LNP1: variants seen among roughly 807,000 people sequenced by gnomAD.
The protein encoded by LNP1 is leukemia NUP98 fusion partner 1.
LNP1 carries 12 observed loss-of-function variants against 14.5 expected under a neutral mutation model. That is an observed-to-expected ratio of 0.83 (90% CI 0.53 to 1.34). The LOEUF is 1.34. LNP1 is among the 40% of genes most tolerant of loss of function. LNP1 has a pLI of 0.00. For synonymous variants in LNP1, 75 were observed against 71.4 expected (o/e 1.05, Z -0.26); for missense variants, 198 against 210.9 (o/e 0.94, Z 0.38).
chr3:100,430,295 C>T (rs927423669), intron 2 of LNP1, among the ~76,000 whole-genome samples: 1 of 152,192 alleles, frequency 6.6e-6, no homozygotes, highest in Non-Finnish European at 1.5e-5. Context: ...TTCTAAGGAA[C>T]TGGGGATCCC....
At chr3:100,409,996 TATC>T (rs1707013998) in intron 1 of LNP1, among the ~76,000 whole-genome samples, 1 of 152,050 alleles carries the variant, frequency 6.6e-6, no homozygotes, top group Non-Finnish European at 1.5e-5. Flanking sequence ...TCTATCTATC[TATC>T]TACCTATTTT....
intron 2 of LNP1, among the ~76,000 whole-genome samples, chr3:100,438,005 C>T (rs1186601767): frequency 1.3e-5 from 2 of 152,136 alleles, no homozygotes; most frequent in African/African-American, 4.8e-5. Context: ...AGAATCACTC[C>T]CTTGTTGACT....
At chr3:100,419,610 C>T (rs992247923) in intron 1 of LNP1, among the ~76,000 whole-genome samples, 1 of 152,246 alleles carries the variant, frequency 6.6e-6, no homozygotes. Flanking sequence ...CTTCCTCAAA[C>T]TAAACTCTGA....
At chr3:100,424,737 A>G (rs1427884287) in intron 1 of LNP1, among the ~76,000 whole-genome samples, 2 of 152,228 alleles carry the variant, frequency 1.3e-5, no homozygotes, top group African/African-American at 2.4e-5. Context: ...CTAAGGGCTA[A>G]CCTTGCAAGC....
At chr3:100,415,488 G>C (rs76305878) in intron 1 of LNP1, among the ~76,000 whole-genome samples, 2 of 152,196 alleles carry the variant, frequency 1.3e-5, no homozygotes, top group African/African-American at 4.8e-5. Context: ...AGCAGTACCA[G>C]TGAGGCAAGG....
At chr3:100,446,861 C>A (rs2148907403) in intron 2 of LNP1, among the ~76,000 whole-genome samples, 1 of 152,310 alleles carries the variant, frequency 6.6e-6, no homozygotes, top group African/African-American at 2.4e-5. Context: ...TGCTCATCAT[C>A]ACTGGTCATC....
intron 2 of LNP1, among the ~76,000 whole-genome samples, chr3:100,433,962 T>C (rs9653957): frequency 0.046 from 7,029 of 152,282 alleles, 506 homozygotes; most frequent in East Asian, 0.31. Context: ...ATTCTGGATA[T>C]TAGACTTTTG....
chr3:100,439,590 G>A (rs1707326242), intron 2 of LNP1, among the ~76,000 whole-genome samples: 1 of 152,020 alleles, frequency 6.6e-6, no homozygotes, highest in African/African-American at 2.4e-5. Context: ...AATTCTCTCT[G>A]GATACTTCTC....
At chr3:100,430,605 A>G (rs1707234607) in intron 2 of LNP1, among the ~76,000 whole-genome samples, 1 of 152,256 alleles carries the variant, frequency 6.6e-6, no homozygotes, top group South Asian at 2.1e-4. Context: ...CTTCACAGTT[A>G]CACAGCAATA....
intron 2 of LNP1, among the ~76,000 whole-genome samples, chr3:100,441,705 C>T (rs1707345458): frequency 6.6e-6 from 1 of 151,702 alleles, no homozygotes; most frequent in Non-Finnish European, 1.5e-5. Context: ...CTCTGTTGCC[C>T]AGGCTGGAGC....
At chr3:100,432,389 T>G (rs1707251400) in intron 2 of LNP1, among the ~76,000 whole-genome samples, 1 of 152,092 alleles carries the variant, frequency 6.6e-6, no homozygotes, top group South Asian at 2.1e-4. Flanking sequence ...TTAACATATT[T>G]ATTGAACACC....
At chr3:100,433,192 T>C (rs773298746) in intron 2 of LNP1, among the ~76,000 whole-genome samples, 49 of 152,154 alleles carry the variant, frequency 3.2e-4, no homozygotes, top group Non-Finnish European at 6.6e-4. Flanking sequence ...CATTAGGTAT[T>C]TGTCCTAATG....
chr3:100,447,338 C>T (rs181941059), intron 2 of LNP1, among the ~76,000 whole-genome samples: 10 of 152,204 alleles, frequency 6.6e-5, no homozygotes, highest in African/African-American at 2.4e-4. Flanking sequence ...TCTCAGCAAA[C>T]TATCACAAGG....
intron 1 of LNP1, among the ~76,000 whole-genome samples, chr3:100,429,475 A>G (rs1707223194): frequency 6.6e-6 from 1 of 152,258 alleles, no homozygotes; most frequent in Admixed American, 6.5e-5. Context: ...AAGCCTCTCA[A>G]TTTAAAAAGA....
At chr3:100,413,261 T>C (rs1445291229) in intron 1 of LNP1, among the ~76,000 whole-genome samples, 1 of 152,214 alleles carries the variant, frequency 6.6e-6, no homozygotes, top group Admixed American at 6.5e-5. Flanking sequence ...TGAGCCCTTA[T>C]GCGGTTATTT....
intron 3 of LNP1, 124 bp from the exon 4 acceptor site, chr3:100,455,653 A>G (rs1707502844): frequency 1.1e-6 from 1 of 905,960 alleles, no homozygotes; most frequent in Non-Finnish European, 1.8e-6. Flanking sequence ...ATTTATTTCT[A>G]GAAACCAAGA....
At chr3:100,447,827 T>G (rs1707402995) in intron 2 of LNP1, among the ~76,000 whole-genome samples, 1 of 152,182 alleles carries the variant, frequency 6.6e-6, no homozygotes, top group Non-Finnish European at 1.5e-5. Flanking sequence ...TTTTTTTACA[T>G]CGCTCTTGTT....
chr3:100,452,008 T>C, intron 3 of LNP1, 59 bp downstream of exon 3: 1 of 1,156,422 alleles, frequency 8.6e-7, no homozygotes, highest in Non-Finnish European at 1.2e-6. Flanking sequence ...CCAAAGGTTT[T>C]GTCCTCTTTA....
chr3:100,420,679 G>A (rs896246802), intron 1 of LNP1, among the ~76,000 whole-genome samples: 2 of 152,118 alleles, frequency 1.3e-5, no homozygotes, highest in African/African-American at 4.8e-5. Context: ...TTTAAAAAAT[G>A]TATTCTAGTT....
Sources: gnomAD v4.1 joint callset for allele counts (sites outside exome capture counted in the v4.1 genomes callset) on GRCh38, gnomAD v4.1.1 for gene constraint, MANE v1.5 for transcripts, NCBI Gene and HGNC (gene_info 2026-07-23, HGNC 2026-07-21) for gene names.